Variants in LRRC4C observed in about 807,000 individuals in gnomAD.
LRRC4C encodes the protein leucine-rich repeat-containing protein 4C.
A neutral mutation model predicts 33.6 loss-of-function variants in LRRC4C; 5 were observed. The observed-to-expected ratio is 0.15, with a 90% confidence interval of 0.08 to 0.31. LRRC4C has a LOEUF of 0.31. Among genes scored for constraint, LRRC4C ranks in the 10% least tolerant of loss-of-function variants. The probability of loss-of-function intolerance (pLI) is 1.00; values close to 1 mark genes in which losing one functional copy is unlikely to be tolerated. For synonymous variants in LRRC4C, 329 were observed against 302.0 expected (o/e 1.09, Z -0.93); for missense variants, 560 against 796.7 (o/e 0.70, Z 3.58).
At chr11:40,704,553 G>A (rs1030833826) in intron 2 of LRRC4C, among the ~76,000 whole-genome samples, 1 of 152,132 alleles carries the variant, frequency 6.6e-6, no homozygotes, top group Non-Finnish European at 1.5e-5. Context: ...TGATTACAGA[G>A]TGTAGTGGTG....
chr11:40,234,715 G>A (rs1246823576), intron 5 of LRRC4C, among the ~76,000 whole-genome samples: 1 of 152,138 alleles, frequency 6.6e-6, no homozygotes, highest in Non-Finnish European at 1.5e-5. Context: ...AGGCTGCAGC[G>A]AGCCATGACT....
chr11:40,208,640 G>T (rs939810499), intron 5 of LRRC4C, among the ~76,000 whole-genome samples: 3 of 152,146 alleles, frequency 2.0e-5, no homozygotes, highest in South Asian at 2.1e-4. Context: ...ATCCCTGTTA[G>T]TATGAATATT....
chr11:41,129,534 C>T (rs1051725906), intron 1 of LRRC4C, among the ~76,000 whole-genome samples: 1 of 151,818 alleles, frequency 6.6e-6, no homozygotes, highest in Non-Finnish European at 1.5e-5. Flanking sequence ...TTGTAATTTA[C>T]TAATAGAATG....
intron 2 of LRRC4C, among the ~76,000 whole-genome samples, chr11:40,652,031 T>C (rs60024162): frequency 6.1e-4 from 93 of 152,306 alleles, no homozygotes; most frequent in African/African-American, 2.1e-3. Flanking sequence ...AAAAACTCAA[T>C]TGGGGATAGA....
chr11:41,458,215 C>T (rs893390077), intron 1 of LRRC4C, among the ~76,000 whole-genome samples: 2 of 152,124 alleles, frequency 1.3e-5, no homozygotes, highest in Non-Finnish European at 2.9e-5. Context: ...TCATCTCTTC[C>T]ATGAACGTGT....
At chr11:41,353,158 C>A (rs1231929680) in intron 1 of LRRC4C, among the ~76,000 whole-genome samples, 2 of 151,678 alleles carry the variant, frequency 1.3e-5, no homozygotes, top group East Asian at 3.9e-4. Flanking sequence ...GAGAGAAGAG[C>A]CAAATAAACA....
intron 1 of LRRC4C, among the ~76,000 whole-genome samples, chr11:40,979,516 G>A (rs1852352222): frequency 6.6e-6 from 1 of 152,128 alleles, no homozygotes; most frequent in Non-Finnish European, 1.5e-5. Flanking sequence ...TTCTTTCCCA[G>A]TGTAGGGAAC....
intron 2 of LRRC4C, among the ~76,000 whole-genome samples, chr11:40,846,607 G>T (rs994969379): frequency 6.6e-6 from 1 of 151,506 alleles, no homozygotes; most frequent in Non-Finnish European, 1.5e-5. Context: ...TTCCAGCTTT[G>T]TTTTTTTGCT....
intron 3 of LRRC4C, among the ~76,000 whole-genome samples, chr11:40,352,457 A>C (rs142342427): frequency 2.6e-3 from 389 of 151,782 alleles, no homozygotes; most frequent in Non-Finnish European, 4.5e-3. Flanking sequence ...TTCTTTTTAA[A>C]TTTTATTTTA....
intron 4 of LRRC4C, among the ~76,000 whole-genome samples, chr11:40,313,544 T>C (rs1344648140): frequency 6.8e-6 from 1 of 148,000 alleles, no homozygotes; most frequent in Non-Finnish European, 1.5e-5. Context: ...AAGTCCTAAA[T>C]GTAAGACCCA....
At chr11:40,585,418 G>A (rs957077507) in intron 3 of LRRC4C, among the ~76,000 whole-genome samples, 1 of 151,682 alleles carries the variant, frequency 6.6e-6, no homozygotes, top group African/African-American at 2.4e-5. Flanking sequence ...ATATGTACAT[G>A]TACATGGACT....
At chr11:40,499,037 A>T (rs1242695569) in intron 3 of LRRC4C, among the ~76,000 whole-genome samples, 1 of 152,150 alleles carries the variant, frequency 6.6e-6, no homozygotes, top group Non-Finnish European at 1.5e-5. Context: ...TGATATTATG[A>T]CTTAAAGTTT....
At chr11:40,983,593 A>G (rs1207004911) in intron 1 of LRRC4C, among the ~76,000 whole-genome samples, 1 of 152,202 alleles carries the variant, frequency 6.6e-6, no homozygotes, top group Non-Finnish European at 1.5e-5. Flanking sequence ...TTTGCAAACT[A>G]TGCATCTGAC....
rs1195272337 is a variant in LRRC4C at position 40,233,044 on chromosome 11, T to G, written c.-96+8475A>C. Among the ~76,000 whole-genome samples, 3 of 152,332 alleles carry G rather than the reference T, an allele frequency of 2.0e-5. No individual in the cohort carries two copies. In the East Asian group the frequency reaches 5.8e-4, roughly 29 times the overall value. ...ATCTTTCTAGCTTCCTCAACTAGATTTTTTGTTTTTCAGTCTTTAGCTACA... is the reference window on the plus strand; with the variant it reads ...ATCTTTCTAGCTTCCTCAACTAGATGTTTTGTTTTTCAGTCTTTAGCTACA... On this transcript the variant is annotated intron_variant, in intron 5 of 6. Coordinates refer to ENST00000528697, the MANE Select transcript of LRRC4C (RefSeq NM_001258419.2).
chr11:40,820,608 A>G (rs1951892838), intron 2 of LRRC4C, among the ~76,000 whole-genome samples: 1 of 151,976 alleles, frequency 6.6e-6, no homozygotes, highest in Admixed American at 6.6e-5. Flanking sequence ...TATTATCTTT[A>G]TAAGTGCAGC....
At position 41,453,730 on chromosome 11, in the gene LRRC4C, C is replaced by T. The variant is rs182578988; in HGVS notation, c.-496+5701G>A. Among the ~76,000 whole-genome samples, 14 of 151,670 alleles carry T rather than the reference C, an allele frequency of 9.2e-5. No individual in the cohort carries two copies. The East Asian group carries it at 1.7e-3, about 19-fold the overall frequency. ...ATAATCTAACATACCTAGCACAGTGCCTGGCACATAGAATACCTTTGCTGA... is the reference window on the plus strand; with the variant it reads ...ATAATCTAACATACCTAGCACAGTGTCTGGCACATAGAATACCTTTGCTGA... On this transcript the variant is annotated intron_variant, in intron 1 of 6. Transcript: ENST00000528697.
At chr11:40,473,612 G>T (rs547573760) in intron 3 of LRRC4C, among the ~76,000 whole-genome samples, 1 of 152,086 alleles carries the variant, frequency 6.6e-6, no homozygotes, top group African/African-American at 2.4e-5. Context: ...GGGCAAGTAG[G>T]CAAGAGAAAG....
At chr11:41,330,031 C>A (rs1456709213) in intron 1 of LRRC4C, among the ~76,000 whole-genome samples, 1 of 152,202 alleles carries the variant, frequency 6.6e-6, no homozygotes, top group Non-Finnish European at 1.5e-5. Context: ...GAAAATCAAA[C>A]TTTGTTGGTT....
rs561305292 is a variant in LRRC4C at position 40,889,813 on chromosome 11, C to T, written c.-407+43822G>A. Among the ~76,000 whole-genome samples, 8 of 152,110 alleles carry T rather than the reference C, an allele frequency of 5.3e-5. No individual in the cohort carries two copies. In the South Asian group the frequency reaches 1.7e-3, roughly 32 times the overall value. On this transcript the variant is annotated intron_variant, in intron 2 of 6. Transcript: ENST00000528697. Reference sequence around the variant, plus strand: ...AGTTCTCTGAATCCCAGAAAACTCGCTTGGTTGCAAAATAGGCATAATAAT... The same window carrying T: ...AGTTCTCTGAATCCCAGAAAACTCGTTTGGTTGCAAAATAGGCATAATAAT...
Sources: gnomAD v4.1 joint callset for allele counts (sites outside exome capture counted in the v4.1 genomes callset) on GRCh38, gnomAD v4.1.1 for gene constraint, MANE v1.5 for transcripts, NCBI Gene and HGNC (gene_info 2026-07-23, HGNC 2026-07-21) for gene names.